The following TOP1 variants were observed in gnomAD, a reference collection of about 807,000 sequenced individuals.
The protein encoded by TOP1 is DNA topoisomerase 1.
TOP1 carries 10 observed loss-of-function variants against 111.1 expected under a neutral mutation model. The ratio of observed to expected loss-of-function variants is 0.09; its 90% CI spans 0.06 to 0.15. The LOEUF is 0.15. TOP1 is among the 10% of genes least tolerant of loss of function. The probability of loss-of-function intolerance (pLI) is 1.00; values close to 1 mark genes in which losing one functional copy is unlikely to be tolerated. For synonymous variants in TOP1, 271 were observed against 302.9 expected, an observed-to-expected ratio of 0.89 and a Z score of 1.10; for missense variants, 474 against 926.7, an observed-to-expected ratio of 0.51 and a Z score of 6.34.
intron 2 of TOP1, among the ~76,000 whole-genome samples, chr20:41,047,329 G>A (rs1045353589): frequency 3.3e-5 from 5 of 152,194 alleles, no homozygotes; most frequent in Admixed American, 6.5e-5. Context: ...TTGCAGATAC[G>A]TTCAGATACA....
chr20:41,063,154 T>A (rs562098884), intron 3 of TOP1, among the ~76,000 whole-genome samples: 1 of 152,334 alleles, frequency 6.6e-6, no homozygotes, highest in African/African-American at 2.4e-5. Flanking sequence ...GAGCACCCGA[T>A]GTTTAGCTCC....
chr20:41,114,492 C>T lies in TOP1; in HGVS notation c.1638+337C>T, dbSNP rs939256844. On this transcript the variant is annotated intron_variant, in intron 15 of 20. Transcript: ENST00000361337. The surrounding 1 kb of genome is among the most constrained non-coding windows in gnomAD (Gnocchi z 4.5). ...GAGGTATTATTTGATATCTTGTGTA[C>T]CTCCTTTTAGTCACTGTTCCGCCCT... 2.6e-5 allele frequency among the ~76,000 whole-genome samples: 4 copies of T among 152,196 alleles called. No individual in the cohort carries two copies. The highest frequency in any genetic ancestry group is 5.9e-5 in the Non-Finnish European group (4 of 68,040).
chr20:41,064,224 T>C (rs2033580312), intron 3 of TOP1, among the ~76,000 whole-genome samples: 1 of 152,324 alleles, frequency 6.6e-6, no homozygotes, highest in Admixed American at 6.5e-5. Flanking sequence ...TTGCTGTCGG[T>C]GTGTGGTTTT....
chr20:41,041,634 C>A lies in TOP1; in HGVS notation c.58+12179C>A, dbSNP rs568967577. Among the ~76,000 whole-genome samples the A allele has an allele frequency of 9.1e-4, 139 of 152,068 alleles. 1 individual carries two copies. The highest frequency in any genetic ancestry group is 3.0e-3 in the African/African-American group (126 of 41,450). On this transcript the variant is annotated intron_variant, in intron 2 of 20. Coordinates refer to ENST00000361337, the MANE Select transcript of TOP1 (RefSeq NM_003286.4). The stretch of plus-strand genomic sequence containing the variant: ...TCAAGCTGATATGCCTAAAAGTCAC[C>A]TGGGGATGATTGGTGAAAATACATA...
rs995885740 is a variant in TOP1, at chr20:41,082,050, G to T, written c.507+810G>T. 1.3e-5 allele frequency among the ~76,000 whole-genome samples: 2 copies of T among 152,162 alleles called. No homozygotes were observed. Among genetic ancestry groups the T allele is most frequent in the Admixed American group, 6.5e-5 (1 of 15,276 alleles). ...ATTGTTAGCAGGTAATTCAAGAAAA[G>T]ATGTCAGAAATTCACAGGGGTCTTA... is the stretch of plus-strand genomic sequence containing the variant. On this transcript the variant is annotated intron_variant, in intron 7 of 20. Coordinates refer to ENST00000361337, the MANE Select transcript of TOP1 (RefSeq NM_003286.4). This position sits in a 1 kb window ranked among gnomAD's most constrained non-coding sequence, Gnocchi z 4.1.
rs2033967807 is a variant in TOP1 at position 41,095,266 on chromosome 20, CTG to C, written c.731-1953_731-1952del. Among the ~76,000 whole-genome samples, 1 of 152,152 alleles carries C rather than the reference CTG, an allele frequency of 6.6e-6. No individual in the cohort carries two copies. On this transcript the variant is annotated intron_variant, in intron 9 of 20. Coordinates refer to ENST00000361337, the MANE Select transcript of TOP1 (RefSeq NM_003286.4). This position sits in a 1 kb window ranked among gnomAD's most constrained non-coding sequence, Gnocchi z 4.6. Reference sequence around the variant, plus strand: ...GTTTTACCATGTTGGTCAAGCTGGTCTGGAACTCCTGACCTGAAGTGATCCTT... The same window carrying C: ...GTTTTACCATGTTGGTCAAGCTGGTCGAACTCCTGACCTGAAGTGATCCTT...
In TOP1 at chr20:41,061,370, C is replaced by CTG; in HGVS notation, c.59-23_59-22dup. ...GAAGATAGCTCATGACTCCTGTTAA[C>CTG]TGACTCATCTCTTATGGTTGCAGAT... is the stretch of plus-strand genomic sequence containing the variant. On this transcript the variant is annotated intron_variant, in intron 2 of 20. Transcript: ENST00000361337. The surrounding 1 kb of genome is among the most constrained non-coding windows in gnomAD (Gnocchi z 4.6). 1.2e-6 allele frequency: 2 copies of CTG among 1,609,996 alleles called. No homozygotes were observed. The highest frequency in any genetic ancestry group is 1.7e-6 in the Non-Finnish European group (2 of 1,176,842).
intron 3 of TOP1, chr20:41,073,216 T>C: frequency 6.1e-6 from 6 of 985,166 alleles, no homozygotes; most frequent in Non-Finnish European, 7.2e-6. Context: ...GCCAAAAGGC[T>C]CAGAAAGCCA....
In TOP1 at chr20:41,032,500, T is replaced by C. The variant is rs1568668107; in HGVS notation, c.58+3045T>C. On this transcript the variant is annotated intron_variant, in intron 2 of 20. Transcript: ENST00000361337. The surrounding 1 kb of genome is among the most constrained non-coding windows in gnomAD (Gnocchi z 4.3). ...ACTGTACAGGCTGCGTAGCTATCTG[T>C]AGAATTGATAATGGTAATACCAGGT... Among the ~76,000 whole-genome samples, 1 of 152,244 alleles carries C rather than the reference T, an allele frequency of 6.6e-6. No individual in the cohort carries two copies. Among genetic ancestry groups the C allele is most frequent in the Non-Finnish European group, 1.5e-5 (1 of 68,050 alleles).
At position 41,101,056 on chromosome 20, in the gene TOP1, A is replaced by G. The variant is rs1237493587; in HGVS notation, c.1164-153A>G. On this transcript the variant is annotated intron_variant, in intron 12 of 20. Transcript: ENST00000361337. The surrounding 1 kb of genome is among the most constrained non-coding windows in gnomAD (Gnocchi z 4.1). ...TTTCGGATGACAGTTGGCTGAGGGTAAGTAAAACCATGCATAAGGTGGGAC... is the reference window on the plus strand; with the variant it reads ...TTTCGGATGACAGTTGGCTGAGGGTGAGTAAAACCATGCATAAGGTGGGAC... 3 of 670,128 alleles carry G rather than the reference A, an allele frequency of 4.5e-6. No individual in the cohort carries two copies. Among genetic ancestry groups the G allele is most frequent in the Non-Finnish European group, 5.0e-6 (2 of 396,330 alleles). 41.5% of individuals were successfully genotyped at this position (670,128 alleles called of 1,614,324 possible).
intron 8 of TOP1, among the ~76,000 whole-genome samples, chr20:41,089,156 C>T (rs1268906761): frequency 2.6e-5 from 4 of 151,688 alleles, no homozygotes; most frequent in African/African-American, 9.7e-5. Flanking sequence ...TCCCAAGTAG[C>T]TGGGATTACA....
chr20:41,084,679 T>C (rs2033827148), intron 8 of TOP1, 111 bp downstream of exon 8: 1 of 642,282 alleles, frequency 1.6e-6, no homozygotes, highest in Non-Finnish European at 2.6e-6. Flanking sequence ...GGAAATACTT[T>C]AAACAATTTC....
intron 2 of TOP1, among the ~76,000 whole-genome samples, chr20:41,036,930 A>G (rs1168211918): frequency 2.1e-5 from 3 of 146,076 alleles, no homozygotes; most frequent in Admixed American, 7.1e-5. Context: ...TCCCAGGTTC[A>G]CGCCATTCTC....
At chr20:41,074,055 G>A (rs2033697428) in intron 3 of TOP1, among the ~76,000 whole-genome samples, 1 of 152,190 alleles carries the variant, frequency 6.6e-6, no homozygotes, top group Non-Finnish European at 1.5e-5. Flanking sequence ...CCAAGTGCCT[G>A]TGATTACCTA....
intron 2 of TOP1, among the ~76,000 whole-genome samples, chr20:41,040,605 T>C (rs993635812): frequency 2.0e-5 from 3 of 152,162 alleles, no homozygotes; most frequent in African/African-American, 4.8e-5. Context: ...AGTGCATTTA[T>C]TGGAAATTTG....
chr20:41,097,000 A>T (rs895025102), intron 9 of TOP1, among the ~76,000 whole-genome samples: 18 of 152,242 alleles, frequency 1.2e-4, no homozygotes, highest in Admixed American at 7.2e-4. Context: ...CATAGTCTCC[A>T]GAGAATGACC....
intron 2 of TOP1, among the ~76,000 whole-genome samples, chr20:41,047,311 T>C (rs901479515): frequency 4.6e-5 from 7 of 152,246 alleles, no homozygotes; most frequent in African/African-American, 1.4e-4. Context: ...TACTGCCTCT[T>C]TTCTGTGTTG....
chr20:41,113,811 A>G (rs2034284070), intron 14 of TOP1, among the ~76,000 whole-genome samples, 159 bp from the exon 15 acceptor site: 2 of 149,742 alleles, frequency 1.3e-5, no homozygotes, highest in Admixed American at 6.7e-5. Context: ...TGAACCCGGG[A>G]GACGGAGCTT....
chr20:41,100,603 G>A lies in TOP1; in HGVS notation c.1163+360G>A, dbSNP rs1320581760. The A allele has an allele frequency of 5.3e-6, 1 of 189,060 alleles. No individual in the cohort carries two copies. Among genetic ancestry groups the A allele is most frequent in the Non-Finnish European group, 1.1e-5 (1 of 92,280 alleles). 11.7% of individuals were successfully genotyped at this position (189,060 alleles called of 1,614,324 possible). A position where few individuals can be genotyped will look rare whatever the true frequency, so the allele number is the denominator to read the frequency against. The stretch of plus-strand genomic sequence containing the variant: ...AGTCTGAGGCACAACAGCAAAACTA[G>A]CACGACTTTCTTTTTCCTTCTTCAC... On this transcript the variant is annotated intron_variant, in intron 12 of 20. Transcript: ENST00000361337. This position sits in a 1 kb window ranked among gnomAD's most constrained non-coding sequence, Gnocchi z 4.4.
Sources: allele counts gnomAD v4.1 joint callset (sites outside exome capture counted in the v4.1 genomes callset), GRCh38; gene constraint gnomAD v4.1.1; non-coding constraint Gnocchi (gnomAD v3.1); transcripts MANE v1.5; gene names NCBI Gene and HGNC (gene_info 2026-07-23, HGNC 2026-07-21).